The following CACNA1C variants were observed in gnomAD, a reference collection of about 807,000 sequenced individuals.
CACNA1C encodes the protein calcium voltage-gated channel subunit alpha1 C, also known as voltage-dependent L-type calcium channel subunit alpha-1C.
In CACNA1C, 30 loss-of-function variants were observed where a neutral mutation model predicts 229.0. The ratio of observed to expected loss-of-function variants is 0.13; its 90% CI spans 0.10 to 0.18. CACNA1C has a LOEUF of 0.18. Ranked by LOEUF, CACNA1C falls within the 10% of genes least tolerant of loss-of-function variation. The probability of loss-of-function intolerance (pLI) is 1.00; values close to 1 mark genes in which losing one functional copy is unlikely to be tolerated. For missense variants in CACNA1C, 1,658 were observed against 2,845.0 expected, an observed-to-expected ratio of 0.58 and a Z score of 9.49; for synonymous variants, 1,114 against 1,132.5, an observed-to-expected ratio of 0.98 and a Z score of 0.33.
chr12:2,536,914 A>G (rs1220271658), intron 9 of CACNA1C, among the ~76,000 whole-genome samples: 3 of 152,204 alleles, frequency 2.0e-5, no homozygotes, highest in African/African-American at 7.2e-5. Context: ...CATGATTAAG[A>G]TCTCCATTTC....
chr12:2,587,732 C>A (rs2063175408), intron 18 of CACNA1C, among the ~76,000 whole-genome samples: 1 of 152,158 alleles, frequency 6.6e-6, no homozygotes, highest in Non-Finnish European at 1.5e-5. Context: ...CTCTTCCCAC[C>A]CTCTGCTGAG....
Position 2,677,394 on chromosome 12 carries a change from C to T in CACNA1C, c.4956+173C>T. 4.3e-6 allele frequency: 3 copies of T among 699,694 alleles called. No homozygotes were observed. Among genetic ancestry groups the T allele is most frequent in the Non-Finnish European group, 7.0e-6 (3 of 430,620 alleles). 43.3% of individuals were successfully genotyped at this position (699,694 alleles called of 1,614,324 possible). A position where few individuals can be genotyped will look rare whatever the true frequency, so the allele number is the denominator to read the frequency against. ...TGGCTGTGAGAAGGGGGTGATGTGCCCTTCCCTACCTGCCACCCACCGACT... is the reference window on the plus strand; with the variant it reads ...TGGCTGTGAGAAGGGGGTGATGTGCTCTTCCCTACCTGCCACCCACCGACT... On this transcript the variant is annotated intron_variant, in intron 40 of 46. Transcript: ENST00000399655. This position sits in a 1 kb window ranked among gnomAD's most constrained non-coding sequence, Gnocchi z 7.4.
At chr12:2,558,550 C>A (rs774039276) in intron 11 of CACNA1C, among the ~76,000 whole-genome samples, 1 of 152,218 alleles carries the variant, frequency 6.6e-6, no homozygotes, top group Non-Finnish European at 1.5e-5. Context: ...CTATGACAGG[C>A]TCATTGGCCT....
Position 2,642,418 on chromosome 12 carries a change from T to G in CACNA1C, c.3913-6057T>G, listed in dbSNP as rs148990874. On this transcript the variant is annotated intron_variant, in intron 30 of 46. Coordinates refer to ENST00000399655, the MANE Select transcript of CACNA1C (RefSeq NM_000719.7). ...ACCTGGCCAGTGTCTGACACTTCAGTTCCTACAGGCTCAGCAACCTGCTGC... is the reference window on the plus strand; with the variant it reads ...ACCTGGCCAGTGTCTGACACTTCAGGTCCTACAGGCTCAGCAACCTGCTGC... Among the ~76,000 whole-genome samples the G allele has an allele frequency of 2.7e-3, 406 of 152,294 alleles. 1 individual carries two copies. The highest frequency in any genetic ancestry group is 9.3e-3 in the African/African-American group (385 of 41,558).
chr12:2,680,908 T>G (rs888170422), intron 42 of CACNA1C, among the ~76,000 whole-genome samples: 11 of 152,236 alleles, frequency 7.2e-5, no homozygotes, highest in Non-Finnish European at 1.6e-4. Context: ...GGCAGTGTGC[T>G]GGGCACTGGA....
At chr12:2,151,114 GT>G (rs371078445) in intron 3 of CACNA1C, among the ~76,000 whole-genome samples, 1 of 152,286 alleles carries the variant, frequency 6.6e-6, no homozygotes, top group African/African-American at 2.4e-5. Flanking sequence ...GACTCTACAA[GT>G]GGTACAGGAT....
intron 1 of CACNA1C, among the ~76,000 whole-genome samples, chr12:2,056,523 T>C (rs2054960855): frequency 6.7e-6 from 1 of 148,226 alleles, no homozygotes; most frequent in South Asian, 2.1e-4. Flanking sequence ...GGGAGAAACA[T>C]GTGTTTGGGG....
At chr12:2,431,777 G>T (rs963171500) in intron 3 of CACNA1C, among the ~76,000 whole-genome samples, 1 of 152,186 alleles carries the variant, frequency 6.6e-6, no homozygotes, top group Non-Finnish European at 1.5e-5. Flanking sequence ...GGCAATGGAG[G>T]AGTCCCCCAA....
intron 38 of CACNA1C, among the ~76,000 whole-genome samples, chr12:2,669,363 A>G (rs911361435): frequency 5.3e-5 from 8 of 152,130 alleles, no homozygotes; most frequent in African/African-American, 1.9e-4. Context: ...AAAATACTCA[A>G]TGTTTTAAGA....
intron 3 of CACNA1C, among the ~76,000 whole-genome samples, chr12:2,120,816 C>A (rs2086352097): frequency 6.6e-6 from 1 of 151,994 alleles, no homozygotes; most frequent in Non-Finnish European, 1.5e-5. Flanking sequence ...GTCTTTGTTC[C>A]ATTGGTGGGG....
At chr12:2,619,059 C>T (rs1311353373) in intron 29 of CACNA1C, among the ~76,000 whole-genome samples, 3 of 152,292 alleles carry the variant, frequency 2.0e-5, no homozygotes, top group East Asian at 3.9e-4. Context: ...TTCGCTTCAT[C>T]ATCCACTGAC....
intron 3 of CACNA1C, among the ~76,000 whole-genome samples, chr12:2,165,220 T>A (rs116552867): frequency 1.5e-3 from 235 of 152,332 alleles, no homozygotes; most frequent in African/African-American, 5.3e-3. Context: ...ATAAATCAAT[T>A]GTAAACCTGC....
At chr12:2,568,030 T>C (rs761740936) in intron 13 of CACNA1C, among the ~76,000 whole-genome samples, 1 of 152,188 alleles carries the variant, frequency 6.6e-6, no homozygotes, top group Non-Finnish European at 1.5e-5. Context: ...TAGGGACTTA[T>C]TCAGCCATGG....
chr12:1,991,915 G>A (rs2039519222), intron 1 of CACNA1C: 1 of 166,482 alleles, frequency 6.0e-6, no homozygotes, highest in Non-Finnish European at 1.3e-5. Context: ...GATGATTACA[G>A]GTAACTTTGT....
intron 3 of CACNA1C, among the ~76,000 whole-genome samples, chr12:2,240,612 G>A (rs777179748): frequency 1.3e-5 from 2 of 152,220 alleles, no homozygotes; most frequent in African/African-American, 2.4e-5. Context: ...GGAGGCCAGC[G>A]TCAGCGTTGG....
At chr12:2,561,783 C>G (rs2047619706) in intron 11 of CACNA1C, among the ~76,000 whole-genome samples, 1 of 152,210 alleles carries the variant, frequency 6.6e-6, no homozygotes, top group South Asian at 2.1e-4. Flanking sequence ...ATCCATCCCT[C>G]TCTCCTGTGT....
intron 3 of CACNA1C, among the ~76,000 whole-genome samples, chr12:2,419,926 G>T (rs555594268): frequency 1.3e-5 from 2 of 152,080 alleles, no homozygotes; most frequent in South Asian, 4.2e-4. Context: ...CTGTGCTAGG[G>T]TCACTTCCAC....
chr12:2,121,570 A>C (rs1041808917), intron 3 of CACNA1C, among the ~76,000 whole-genome samples: 1 of 152,034 alleles, frequency 6.6e-6, no homozygotes, highest in African/African-American at 2.4e-5. Context: ...TTTGTTGGGG[A>C]CAGGCTCCAA....
intron 3 of CACNA1C, among the ~76,000 whole-genome samples, chr12:2,135,616 CTCAGGGG>C (rs1338357708): frequency 7.2e-6 from 1 of 138,676 alleles, no homozygotes; most frequent in African/African-American, 3.1e-5. Context: ...AGTTAGGCTG[CTCAGGGG>C]TCAGGGGTCA....
Sources: allele counts gnomAD v4.1 joint callset (sites outside exome capture counted in the v4.1 genomes callset), GRCh38; gene constraint gnomAD v4.1.1; non-coding constraint Gnocchi (gnomAD v3.1); transcripts MANE v1.5; gene names NCBI Gene and HGNC (gene_info 2026-07-23, HGNC 2026-07-21).